Variants in MDGA2 observed in about 807,000 individuals in gnomAD.
The protein encoded by MDGA2 is MAM domain-containing glycosylphosphatidylinositol anchor protein 2.
Under a neutral mutation model 117.8 loss-of-function variants are expected in MDGA2, and 40 were observed. The ratio of observed to expected loss-of-function variants is 0.34; its 90% CI spans 0.26 to 0.44. The LOEUF (loss-of-function observed/expected upper bound fraction) is 0.44, where lower values mean the gene tolerates loss of function less well. MDGA2 is among the 20% of genes least tolerant of loss of function. The pLI, the probability that MDGA2 is intolerant of heterozygous loss-of-function variation, is 1.00. For synonymous variants in MDGA2, 452 were observed against 439.0 expected, an observed-to-expected ratio of 1.03 and a Z score of -0.37; for missense variants, 1,123 against 1,250.6, an observed-to-expected ratio of 0.90 and a Z score of 1.54.
intron 7 of MDGA2, among the ~76,000 whole-genome samples, chr14:47,055,327 A>G (rs1889636502): frequency 6.6e-6 from 1 of 152,024 alleles, no homozygotes; most frequent in South Asian, 2.1e-4. Flanking sequence ...CCTGATAAAT[A>G]CTTTGGTCAT....
chr14:47,280,413 T>C (rs182879296), intron 2 of MDGA2, among the ~76,000 whole-genome samples: 142 of 150,012 alleles, frequency 9.5e-4, no homozygotes, highest in Non-Finnish European at 1.6e-3. Flanking sequence ...TGTGTACAAT[T>C]CATTAAATAT....
At chr14:47,604,085 T>C (rs1433740703) in intron 1 of MDGA2, among the ~76,000 whole-genome samples, 1 of 152,148 alleles carries the variant, frequency 6.6e-6, no homozygotes, top group Non-Finnish European at 1.5e-5. Context: ...ATAAATTACC[T>C]GGTCACAGGT....
chr14:47,107,159 C>A (rs142210997), intron 5 of MDGA2, among the ~76,000 whole-genome samples: 17,453 of 150,866 alleles, frequency 0.12, 1,158 homozygotes, highest in Admixed American at 0.19. Flanking sequence ...CACCCTTACC[C>A]CACTCAAGGC....
At chr14:47,315,507 C>T (rs778085987) in intron 1 of MDGA2, among the ~76,000 whole-genome samples, 4 of 152,108 alleles carry the variant, frequency 2.6e-5, no homozygotes, top group African/African-American at 7.2e-5. Context: ...ATCATTGGAG[C>T]ATAACAAGTA....
chr14:47,239,696 A>T (rs1305209859), intron 2 of MDGA2, among the ~76,000 whole-genome samples: 2 of 151,866 alleles, frequency 1.3e-5, no homozygotes, highest in East Asian at 1.9e-4. Flanking sequence ...GGGAAAAAAA[A>T]GTTTTCAATG....
At chr14:47,038,080 C>A (rs975026846) in intron 7 of MDGA2, among the ~76,000 whole-genome samples, 1 of 152,074 alleles carries the variant, frequency 6.6e-6, no homozygotes, top group Non-Finnish European at 1.5e-5. Flanking sequence ...CAGGTGTGCA[C>A]CACCACACCC....
intron 5 of MDGA2, among the ~76,000 whole-genome samples, chr14:47,097,884 A>T (rs1239627297): frequency 6.6e-6 from 1 of 152,018 alleles, no homozygotes; most frequent in East Asian, 1.9e-4. Flanking sequence ...GTTAAAAAAT[A>T]CAAAGATAAA....
rs150579234 is a variant in MDGA2, at chr14:47,367,031, G to A, written c.281-65481C>T. Among the ~76,000 whole-genome samples the A allele has an allele frequency of 1.8e-3, 281 of 152,120 alleles. 2 individuals are homozygous for A. Among genetic ancestry groups the A allele is most frequent in the African/African-American group, 6.6e-3 (273 of 41,492 alleles). On this transcript the variant is annotated intron_variant, in intron 1 of 16. Coordinates refer to ENST00000399232, the MANE Select transcript of MDGA2 (RefSeq NM_001113498.3). ...AATGTGTTCCATAGACTAATCATCT[G>A]TCATCAAGTAAAAGACTGACAGTAG...
rs185806343 is a variant in MDGA2, at chr14:47,193,003, T to C, written c.595+25018A>G. The stretch of plus-strand genomic sequence containing the variant: ...TCCTGTTAGAGCTATCTGAATCTCA[T>C]TGAAAGAATATCATTGTATTTTTTA... On this transcript the variant is annotated intron_variant, in intron 3 of 16. Coordinates refer to ENST00000399232, the MANE Select transcript of MDGA2 (RefSeq NM_001113498.3). 6.2e-3 allele frequency among the ~76,000 whole-genome samples: 946 copies of C among 152,352 alleles called. 8 individuals are homozygous for C. The highest frequency in any genetic ancestry group is 0.031 in the Middle Eastern group (9 of 294).
chr14:47,531,698 C>T (rs1319109810), intron 1 of MDGA2, among the ~76,000 whole-genome samples: 2 of 152,136 alleles, frequency 1.3e-5, no homozygotes, highest in African/African-American at 4.8e-5. Context: ...CTTCCTTAAA[C>T]CCAAGACATG....
chr14:47,171,891 G>C (rs755595650), intron 3 of MDGA2, among the ~76,000 whole-genome samples: 1 of 152,174 alleles, frequency 6.6e-6, no homozygotes, highest in African/African-American at 2.4e-5. Flanking sequence ...CCCTTTCTTA[G>C]TGAAAGAAAG....
intron 9 of MDGA2, among the ~76,000 whole-genome samples, chr14:46,936,766 A>AT (rs1378422979): frequency 6.6e-6 from 1 of 152,120 alleles, no homozygotes; most frequent in Non-Finnish European, 1.5e-5. Flanking sequence ...TAAATTAGGT[A>AT]TAGAAGGCCC....
intron 1 of MDGA2, among the ~76,000 whole-genome samples, chr14:47,595,140 A>G (rs1243647294): frequency 1.3e-5 from 2 of 152,116 alleles, no homozygotes; most frequent in Non-Finnish European, 2.9e-5. Flanking sequence ...AAGTTTGCAT[A>G]CTATAAAGGC....
intron 1 of MDGA2, among the ~76,000 whole-genome samples, chr14:47,484,169 T>G (rs1281201058): frequency 1.3e-5 from 2 of 152,158 alleles, no homozygotes; most frequent in Non-Finnish European, 2.9e-5. Context: ...GATAGCTATT[T>G]TTTACAAAGT....
At chr14:47,080,343 C>T (rs1305751005) in intron 6 of MDGA2, among the ~76,000 whole-genome samples, 1 of 152,036 alleles carries the variant, frequency 6.6e-6, no homozygotes, top group Admixed American at 6.6e-5. Context: ...AATTTTCTTC[C>T]ATGGAGACTT....
intron 3 of MDGA2, among the ~76,000 whole-genome samples, chr14:47,193,994 TAGCACA>T (rs1885201557): frequency 6.6e-6 from 1 of 152,196 alleles, no homozygotes; most frequent in Non-Finnish European, 1.5e-5. Context: ...GAAGTCCCTT[TAGCACA>T]AGTAACTCAA....
chr14:47,095,735 G>A (rs1385350537), intron 6 of MDGA2, among the ~76,000 whole-genome samples: 2 of 151,820 alleles, frequency 1.3e-5, no homozygotes, highest in Non-Finnish European at 2.9e-5. Context: ...GAAATGTTTT[G>A]AATAGAGTAT....
intron 1 of MDGA2, among the ~76,000 whole-genome samples, chr14:47,529,198 T>C (rs1461475191): frequency 6.6e-6 from 1 of 152,170 alleles, no homozygotes; most frequent in East Asian, 1.9e-4. Flanking sequence ...ATAAACTACA[T>C]CTGCAATAAA....
intron 2 of MDGA2, among the ~76,000 whole-genome samples, chr14:47,284,702 C>A (rs376722356): frequency 5.3e-5 from 8 of 152,176 alleles, no homozygotes; most frequent in African/African-American, 1.9e-4. Context: ...ATTATACTAA[C>A]AAAACCATAT....
Sources: allele counts gnomAD v4.1 joint callset (sites outside exome capture counted in the v4.1 genomes callset), GRCh38; gene constraint gnomAD v4.1.1; transcripts MANE v1.5; gene names NCBI Gene and HGNC (gene_info 2026-07-23, HGNC 2026-07-21).